Variants in SNTG1 observed in about 807,000 individuals in gnomAD.
SNTG1 encodes the protein gamma-1-syntrophin.
In SNTG1, 39 loss-of-function variants were observed where a neutral mutation model predicts 74.7. That is an observed-to-expected ratio of 0.52 (90% confidence interval 0.40 to 0.68). The LOEUF is 0.68. Among genes scored for constraint, SNTG1 ranks in the 30% least tolerant of loss-of-function variants. The pLI, the probability that SNTG1 is intolerant of heterozygous loss-of-function variation, is 0.00. For missense variants in SNTG1, 685 were observed against 609.5 expected, an observed-to-expected ratio of 1.12 and a Z score of -1.30; for synonymous variants, 254 against 217.1, an observed-to-expected ratio of 1.17 and a Z score of -1.49.
chr8:50,151,359 C>A (rs1255369365), intron 1 of SNTG1, among the ~76,000 whole-genome samples: 1 of 152,066 alleles, frequency 6.6e-6, no homozygotes, highest in African/African-American at 2.4e-5. Flanking sequence ...TTTCAAAAAA[C>A]CAGCTCCCGG....
chr8:50,335,555 G>A (rs1286619496), intron 2 of SNTG1, among the ~76,000 whole-genome samples: 1 of 152,038 alleles, frequency 6.6e-6, no homozygotes, highest in East Asian at 1.9e-4. Context: ...TGTGTTCATG[G>A]CCCCTATATC....
chr8:50,220,753 A>G (rs1250419710), intron 2 of SNTG1, among the ~76,000 whole-genome samples: 1 of 152,196 alleles, frequency 6.6e-6, no homozygotes, highest in Non-Finnish European at 1.5e-5. Flanking sequence ...TTTTCTTAAG[A>G]TACATGCAGT....
rs370664290 is a variant in SNTG1, at chr8:50,160,014, T to G, written c.-102-12547T>G. On this transcript the variant is annotated intron_variant, in intron 1 of 18. Transcript: ENST00000642720. Reference sequence around the variant, plus strand: ...AGACTTAAACTGGGAGAAATTTTAATTCAGAACAATAAAACAGTAGCAAAC... The same window carrying G: ...AGACTTAAACTGGGAGAAATTTTAAGTCAGAACAATAAAACAGTAGCAAAC... Among the ~76,000 whole-genome samples the G allele has an allele frequency of 2.4e-4, 37 of 152,328 alleles. 1 individual carries two copies. The East Asian group carries it at 2.7e-3, about 11-fold the overall frequency.
chr8:49,944,548 A>T (rs1343209238), intron 1 of SNTG1, among the ~76,000 whole-genome samples: 40 of 124,740 alleles, frequency 3.2e-4, no homozygotes, highest in Non-Finnish European at 5.0e-4. Flanking sequence ...TGGACACAGG[A>T]AGGGGAACAT....
chr8:50,549,139 C>A (rs2094408408), intron 11 of SNTG1, among the ~76,000 whole-genome samples: 1 of 152,098 alleles, frequency 6.6e-6, no homozygotes, highest in South Asian at 2.1e-4. Context: ...AATTTAAGAT[C>A]TGGAAAATAA....
chr8:50,471,344 C>T lies in SNTG1; in HGVS notation c.363+20615C>T, dbSNP rs1417599136. ...AATACCTTTGCGATATACTTATAGT[C>T]TATGTAAATTAAAAATTGTCATCTA... is the stretch of plus-strand genomic sequence containing the variant. On this transcript the variant is annotated intron_variant, in intron 8 of 18. Transcript: ENST00000642720. 2.0e-5 allele frequency among the ~76,000 whole-genome samples: 3 copies of T among 151,438 alleles called. No homozygotes were observed. The East Asian group carries it at 5.8e-4, about 29-fold the overall frequency.
At chr8:49,916,139 A>C (rs941642882) in intron 1 of SNTG1, among the ~76,000 whole-genome samples, 1 of 151,782 alleles carries the variant, frequency 6.6e-6, no homozygotes, top group Non-Finnish European at 1.5e-5. Flanking sequence ...CCAGCGATAA[A>C]AAATTATATC....
At chr8:50,238,023 G>T (rs1007625511) in intron 2 of SNTG1, among the ~76,000 whole-genome samples, 19 of 151,942 alleles carry the variant, frequency 1.3e-4, no homozygotes, top group African/African-American at 4.1e-4. Flanking sequence ...AAATTGTTGA[G>T]CCATATGCAT....
chr8:50,256,199 T>TA (rs34183404), intron 2 of SNTG1, among the ~76,000 whole-genome samples: 85,338 of 151,292 alleles, frequency 0.56, 27,784 homozygotes, highest in East Asian at 0.83. Context: ...ATTGTGAGTA[T>TA]AAAAAAAACA....
intron 15 of SNTG1, among the ~76,000 whole-genome samples, chr8:50,684,225 T>C (rs1044126840): frequency 2.2e-4 from 34 of 152,304 alleles, no homozygotes; most frequent in Admixed American, 2.2e-3. Context: ...AACCACATGC[T>C]CTCTGCCTGT....
At chr8:50,467,871 T>C (rs2093621719) in intron 8 of SNTG1, among the ~76,000 whole-genome samples, 2 of 151,936 alleles carry the variant, frequency 1.3e-5, no homozygotes, top group Non-Finnish European at 2.9e-5. Context: ...TTAAATTCTC[T>C]TCAGACTTCT....
At chr8:50,128,009 T>C (rs767207700) in intron 1 of SNTG1, among the ~76,000 whole-genome samples, 51 of 152,200 alleles carry the variant, frequency 3.4e-4, no homozygotes, top group Non-Finnish European at 5.9e-4. Flanking sequence ...GGAGAGAGTC[T>C]AAAAAATGTC....
At chr8:50,649,772 C>T (rs1374508170) in intron 13 of SNTG1, among the ~76,000 whole-genome samples, 1 of 151,750 alleles carries the variant, frequency 6.6e-6, no homozygotes, top group Non-Finnish European at 1.5e-5. Flanking sequence ...TAGTTTTAGT[C>T]TATTATTATC....
At chr8:50,391,554 A>G (rs2131296426) in intron 2 of SNTG1, among the ~76,000 whole-genome samples, 1 of 152,278 alleles carries the variant, frequency 6.6e-6, no homozygotes, top group Admixed American at 6.5e-5. Flanking sequence ...TGTCTCTGCC[A>G]GACTTTGTTA....
At chr8:50,087,396 G>A (rs1304279807) in intron 1 of SNTG1, among the ~76,000 whole-genome samples, 1 of 152,116 alleles carries the variant, frequency 6.6e-6, no homozygotes, top group Non-Finnish European at 1.5e-5. Context: ...TCTTAGTCAT[G>A]TGGTTTACTA....
intron 1 of SNTG1, among the ~76,000 whole-genome samples, chr8:50,148,524 A>G (rs934064589): frequency 1.3e-4 from 20 of 152,112 alleles, no homozygotes; most frequent in African/African-American, 4.8e-4. Context: ...CATCATTTAC[A>G]TTACATATAT....
intron 15 of SNTG1, among the ~76,000 whole-genome samples, chr8:50,670,498 C>A (rs369935888): frequency 6.7e-6 from 1 of 148,696 alleles, no homozygotes; most frequent in Non-Finnish European, 1.5e-5. Flanking sequence ...ATGTGAAGGA[C>A]CTCTTCAAGG....
chr8:50,340,222 C>A (rs1280129981), intron 2 of SNTG1, among the ~76,000 whole-genome samples: 1 of 151,922 alleles, frequency 6.6e-6, no homozygotes, highest in Non-Finnish European at 1.5e-5. Context: ...TAAACTGATT[C>A]TAAATTCCAC....
chr8:49,929,895 G>C (rs2628419), intron 1 of SNTG1, among the ~76,000 whole-genome samples: 1 of 127,496 alleles, frequency 7.8e-6, no homozygotes, highest in African/African-American at 3.0e-5. Flanking sequence ...GTCCCCAGAG[G>C]GTGATATTCC....
Sources: allele counts gnomAD v4.1 joint callset (sites outside exome capture counted in the v4.1 genomes callset), GRCh38; gene constraint gnomAD v4.1.1; transcripts MANE v1.5; gene names NCBI Gene and HGNC (gene_info 2026-07-23, HGNC 2026-07-21).